Variants in DOCK1 observed in about 807,000 individuals in gnomAD.
DOCK1 encodes dedicator of cytokinesis protein 1.
A neutral mutation model predicts 262.7 loss-of-function variants in DOCK1; 138 were observed. The ratio of observed to expected loss-of-function variants is 0.53; its 90% CI spans 0.46 to 0.61. The LOEUF (loss-of-function observed/expected upper bound fraction) is 0.61, where lower values mean the gene tolerates loss of function less well. DOCK1 is among the 20% of genes least tolerant of loss of function. The probability of loss-of-function intolerance (pLI) is 0.00; values close to 1 mark genes in which losing one functional copy is unlikely to be tolerated. For synonymous variants in DOCK1, 866 were observed against 867.4 expected (o/e 1.00, Z 0.03); for missense variants, 1,908 against 2,370.7 (o/e 0.80, Z 4.05).
chr10:126,946,185 G>C (rs2035387415), intron 1 of DOCK1, among the ~76,000 whole-genome samples: 1 of 152,086 alleles, frequency 6.6e-6, no homozygotes, highest in Non-Finnish European at 1.5e-5. Flanking sequence ...TACATCTACA[G>C]TGTTGTGCTA....
chr10:126,925,138 C>T (rs1341377477), intron 1 of DOCK1, among the ~76,000 whole-genome samples: 6 of 152,218 alleles, frequency 3.9e-5, no homozygotes, highest in African/African-American at 1.2e-4. Flanking sequence ...AGAAACTGAA[C>T]GGTGGTGTTG....
chr10:127,037,827 G>T lies in DOCK1; in HGVS notation c.2010+11G>T. ...GGTGAAGTAGTGAAGGTAACATGGA[G>T]CCCAAAGGGACTTTTTGGGTCTTTT... is the stretch of plus-strand genomic sequence containing the variant. On this transcript the variant is annotated intron_variant, in intron 19 of 51. Coordinates refer to ENST00000623213, the MANE Select transcript of DOCK1 (RefSeq NM_001290223.2). 1.3e-6 allele frequency: 2 copies of T among 1,528,066 alleles called. No individual in the cohort carries two copies. Among genetic ancestry groups the T allele is most frequent in the Non-Finnish European group, 8.8e-7 (1 of 1,139,768 alleles). 94.7% of individuals were successfully genotyped at this position (1,528,066 alleles called of 1,614,324 possible). A position where few individuals can be genotyped will look rare whatever the true frequency, so the allele number is the denominator to read the frequency against.
chr10:127,069,743 G>A (rs538855138), intron 23 of DOCK1, among the ~76,000 whole-genome samples: 1 of 152,246 alleles, frequency 6.6e-6, no homozygotes, highest in East Asian at 1.9e-4. Flanking sequence ...ATGACAGGAA[G>A]GACTACACTT....
intron 48 of DOCK1, 87 bp from the exon 49 acceptor site, chr10:127,438,940 T>A (rs2069880536): frequency 7.5e-7 from 1 of 1,336,488 alleles, no homozygotes; most frequent in South Asian, 1.5e-5. Context: ...TGTAAATGTC[T>A]TCGATGGATT....
intron 37 of DOCK1, 44 bp from the exon 38 acceptor site, chr10:127,384,746 G>T: frequency 6.6e-7 from 1 of 1,506,894 alleles, no homozygotes; most frequent in Non-Finnish European, 8.8e-7. Flanking sequence ...GACGTCCCTG[G>T]GTGTTTCCGC....
At chr10:127,281,564 A>G (rs1470766260) in intron 29 of DOCK1, among the ~76,000 whole-genome samples, 1 of 152,188 alleles carries the variant, frequency 6.6e-6, no homozygotes, top group Non-Finnish European at 1.5e-5. Context: ...CTGCACACAC[A>G]CTTGGTGTCT....
chr10:126,981,677 G>T (rs562037138), intron 3 of DOCK1, among the ~76,000 whole-genome samples: 1 of 152,328 alleles, frequency 6.6e-6, no homozygotes, highest in African/African-American at 2.4e-5. Flanking sequence ...CTGTATCTTT[G>T]TGGACTTTTT....
chr10:126,982,932 CTG>C (rs758781771), intron 4 of DOCK1, among the ~76,000 whole-genome samples: 3 of 152,098 alleles, frequency 2.0e-5, no homozygotes, highest in African/African-American at 7.2e-5. Flanking sequence ...ACAGGGCAGA[CTG>C]TGTATGATTA....
intron 1 of DOCK1, among the ~76,000 whole-genome samples, chr10:126,944,552 A>G (rs2035253264): frequency 1.3e-5 from 2 of 152,114 alleles, no homozygotes; most frequent in Non-Finnish European, 2.9e-5. Flanking sequence ...AGTCCCAAAG[A>G]ACAACTGCGC....
chr10:127,288,307 A>T (rs2061231163), intron 29 of DOCK1, among the ~76,000 whole-genome samples: 1 of 152,066 alleles, frequency 6.6e-6, no homozygotes, highest in Non-Finnish European at 1.5e-5. Flanking sequence ...TCTCAGGTTG[A>T]TCTTTTACAT....
At chr10:127,447,301 C>T in intron 50 of DOCK1, 93 bp from the exon 51 acceptor site, 1 of 1,526,566 alleles carries the variant, frequency 6.6e-7, no homozygotes, top group Non-Finnish European at 8.9e-7. Flanking sequence ...TCTGCTGTGC[C>T]TGCCTCTCTG....
chr10:127,344,797 G>A (rs766024773), intron 31 of DOCK1, among the ~76,000 whole-genome samples: 28 of 152,034 alleles, frequency 1.8e-4, no homozygotes, highest in Non-Finnish European at 3.2e-4. Context: ...GGAGGTCAAG[G>A]CTGCAGTGCA....
intron 27 of DOCK1, among the ~76,000 whole-genome samples, chr10:127,241,848 T>G (rs996339455): frequency 2.6e-5 from 4 of 152,134 alleles, no homozygotes; most frequent in Non-Finnish European, 5.9e-5. Context: ...AAACATGTGG[T>G]CCTCTCCCCA....
intron 29 of DOCK1, among the ~76,000 whole-genome samples, chr10:127,324,031 G>A (rs995088539): frequency 2.0e-5 from 3 of 152,204 alleles, no homozygotes; most frequent in East Asian, 3.9e-4. Context: ...GAGGGGGAGC[G>A]GTGGCTCTGC....
Position 127,100,732 on chromosome 10 carries a change from C to A in DOCK1, c.2446-5499C>A, listed in dbSNP as rs1168030333. Among the ~76,000 whole-genome samples, 3 of 151,878 alleles carry A rather than the reference C, an allele frequency of 2.0e-5. No individual in the cohort carries two copies. Among genetic ancestry groups the A allele is most frequent in the Non-Finnish European group, 4.4e-5 (3 of 67,958 alleles). The stretch of plus-strand genomic sequence containing the variant: ...CCCTGGGAGTGAGGGCCACGCGTGC[C>A]CCAGAGGTGAGGTGGCCAAAGTGTC... On this transcript the variant is annotated intron_variant, in intron 23 of 51. Coordinates refer to ENST00000623213, the MANE Select transcript of DOCK1 (RefSeq NM_001290223.2). This position sits in a 1 kb window ranked among gnomAD's most constrained non-coding sequence, Gnocchi z 5.5.
chr10:127,409,253 G>GA (rs1468761768), intron 41 of DOCK1, 60 bp from the exon 42 acceptor site: 1 of 1,611,880 alleles, frequency 6.2e-7, no homozygotes. Context: ...GTGTGGTGGG[G>GA]GGCCTCTCTC....
chr10:127,440,665 C>G (rs965598913), intron 49 of DOCK1, among the ~76,000 whole-genome samples: 21 of 152,212 alleles, frequency 1.4e-4, no homozygotes, highest in African/African-American at 5.1e-4. Context: ...AAAGCAGTCA[C>G]ATGCTACCTG....
intron 28 of DOCK1, among the ~76,000 whole-genome samples, chr10:127,253,874 CAAAAA>C (rs575042004): frequency 9.9e-6 from 1 of 101,472 alleles, no homozygotes; most frequent in African/African-American, 3.6e-5. Context: ...GACCCTGTCT[CAAAAA>C]AAAAAAAAAA....
chr10:127,255,243 TA>T (rs962302507), intron 28 of DOCK1, among the ~76,000 whole-genome samples: 1 of 151,656 alleles, frequency 6.6e-6, no homozygotes, highest in Non-Finnish European at 1.5e-5. Flanking sequence ...CTACTAAAAA[TA>T]AAAAAACTAG....
Sources: gnomAD v4.1 joint callset for allele counts (sites outside exome capture counted in the v4.1 genomes callset) on GRCh38, gnomAD v4.1.1 for gene constraint, Gnocchi (gnomAD v3.1) non-coding constraint, MANE v1.5 for transcripts, NCBI Gene and HGNC (gene_info 2026-07-23, HGNC 2026-07-21) for gene names.